Variants in GLG1 observed in about 807,000 individuals in gnomAD.
GLG1 encodes golgi glycoprotein 1.
Under a neutral mutation model 160.5 loss-of-function variants are expected in GLG1, and 38 were observed. The ratio of observed to expected loss-of-function variants is 0.24; its 90% CI spans 0.18 to 0.31. The LOEUF (loss-of-function observed/expected upper bound fraction) is 0.31, where lower values mean the gene tolerates loss of function less well. Among genes scored for constraint, GLG1 ranks in the 10% least tolerant of loss-of-function variants. The probability of loss-of-function intolerance (pLI) is 1.00; values close to 1 mark genes in which losing one functional copy is unlikely to be tolerated. For synonymous variants in GLG1, 644 were observed against 543.4 expected, an observed-to-expected ratio of 1.19 and a Z score of -2.57; for missense variants, 1,373 against 1,505.2, an observed-to-expected ratio of 0.91 and a Z score of 1.45.
At chr16:74,559,508 C>A (rs1251955250) in intron 1 of GLG1, among the ~76,000 whole-genome samples, 1 of 151,992 alleles carries the variant, frequency 6.6e-6, no homozygotes, top group Non-Finnish European at 1.5e-5. Context: ...AACACAAATA[C>A]AGTCAAATAA....
intron 1 of GLG1, among the ~76,000 whole-genome samples, chr16:74,580,321 CA>C (rs998978911): frequency 6.6e-6 from 1 of 150,670 alleles, no homozygotes; most frequent in African/African-American, 2.4e-5. Context: ...CCCATCTCTA[CA>C]AAAAAAACTA....
intron 2 of GLG1, among the ~76,000 whole-genome samples, chr16:74,528,567 T>G (rs2017416500): frequency 6.6e-6 from 1 of 151,878 alleles, no homozygotes; most frequent in Non-Finnish European, 1.5e-5. Flanking sequence ...ATCCCAGTAC[T>G]TTGGCAAGTC....
intron 1 of GLG1, among the ~76,000 whole-genome samples, chr16:74,592,322 T>C (rs1297606925): frequency 6.6e-6 from 1 of 152,146 alleles, no homozygotes; most frequent in East Asian, 1.9e-4. Flanking sequence ...TTTGTATTTT[T>C]AGTAGAGACA....
At chr16:74,516,438 C>T (rs1381013146) in intron 2 of GLG1, among the ~76,000 whole-genome samples, 1 of 152,004 alleles carries the variant, frequency 6.6e-6, no homozygotes, top group Non-Finnish European at 1.5e-5. Context: ...AACTGAACAA[C>T]CTGCTCCTGA....
chr16:74,606,439 C>T (rs1357239572), intron 1 of GLG1, among the ~76,000 whole-genome samples: 4 of 152,102 alleles, frequency 2.6e-5, no homozygotes, highest in Non-Finnish European at 5.9e-5. Context: ...TCCCAGACCC[C>T]GGCAACAGGG....
At chr16:74,604,921 C>T (rs1958530187) in intron 1 of GLG1, among the ~76,000 whole-genome samples, 1 of 152,068 alleles carries the variant, frequency 6.6e-6, no homozygotes, top group Non-Finnish European at 1.5e-5. Context: ...TGGTGGCGCT[C>T]GCCTGTAGTC....
chr16:74,472,777 C>T (rs748134828), intron 13 of GLG1: 8 of 378,294 alleles, frequency 2.1e-5, no homozygotes, highest in Non-Finnish European at 3.6e-5. Flanking sequence ...TATCCATCTT[C>T]AGTTTATAAG....
chr16:74,512,332 C>T (rs1369287237), intron 2 of GLG1, among the ~76,000 whole-genome samples: 10 of 148,028 alleles, frequency 6.8e-5, no homozygotes, highest in Admixed American at 3.4e-4. Flanking sequence ...AGTGTGATCT[C>T]GGCTCACTGC....
intron 1 of GLG1, among the ~76,000 whole-genome samples, chr16:74,543,776 T>C (rs1300465270): frequency 6.6e-6 from 1 of 152,020 alleles, no homozygotes. Flanking sequence ...TGAAATTAAC[T>C]GATTTTGAAA....
rs369047663 is a variant in GLG1 at position 74,468,974 on chromosome 16, C to A, written c.2408G>T (p.Arg803Met). 159 of 1,611,242 alleles carry A rather than the reference C, an allele frequency of 9.9e-5. No individual in the cohort carries two copies. Among genetic ancestry groups the A allele is most frequent in the Non-Finnish European group, 1.3e-4 (151 of 1,177,430 alleles). ...CTCCAGCTCCTCCACACGGAGCTGCCTGCGGCACTTCAGGGACACCCTGTG... is the reference window on the plus strand; with the variant it reads ...CTCCAGCTCCTCCACACGGAGCTGCATGCGGCACTTCAGGGACACCCTGTG... ...KEHRVSLKCRRQLRVEELEMT... is the reference protein window; with the variant it reads ...KEHRVSLKCRMQLRVEELEMT... Residue 803 changes from arginine to methionine, a missense_variant, in exon 17 of 26, where the codon AGG becomes ATG. By Grantham distance (91) the Arg-to-Met change is moderately conservative. Coordinates refer to ENST00000422840, the MANE Select transcript of GLG1 (RefSeq NM_001145667.2).
intron 1 of GLG1, among the ~76,000 whole-genome samples, chr16:74,533,259 T>C (rs1401542078): frequency 1.3e-5 from 2 of 152,054 alleles, no homozygotes; most frequent in African/African-American, 4.8e-5. Context: ...AGGCGGAGCT[T>C]GCAGTGAACC....
At chr16:74,546,493 T>C (rs998628315) in intron 1 of GLG1, among the ~76,000 whole-genome samples, 17 of 152,092 alleles carry the variant, frequency 1.1e-4, no homozygotes, top group Admixed American at 3.9e-4. Flanking sequence ...TTAAGACTTC[T>C]GAAACTTTAG....
In GLG1 at chr16:74,606,964, G is replaced by A. The variant is rs745729985; in HGVS notation, c.131C>T (p.Ala44Val). 2 of 1,608,554 alleles carry A rather than the reference G, an allele frequency of 1.2e-6. No individual in the cohort carries two copies. Among genetic ancestry groups the A allele is most frequent in the South Asian group, 1.1e-5 (1 of 90,712 alleles). The change falls in exon 1 of 26, where the codon GCC (alanine) becomes GTC (valine). Residue 44 changes from alanine to valine, a missense_variant. Ala to Val is a moderately conservative substitution (Grantham distance 64). Transcript: ENST00000422840. ...CTGCCCTACGAAGGACACAAAGTTG[G>A]CCCCGGGACCCTGGCCCTGGCTGTG... is the stretch of plus-strand genomic sequence containing the variant. ...GVHSQGQGPG[A>V]NFVSFVGQAG...
intron 7 of GLG1, among the ~76,000 whole-genome samples, chr16:74,492,282 G>C (rs976906706): frequency 4.0e-5 from 6 of 151,522 alleles, no homozygotes; most frequent in Non-Finnish European, 7.4e-5. Context: ...CTATTCCAGA[G>C]GCTGAACTAG....
chr16:74,471,341 T>G (rs940903424), intron 14 of GLG1, 55 bp from the exon 15 acceptor site: 1 of 995,986 alleles, frequency 1.0e-6, no homozygotes, highest in Non-Finnish European at 1.6e-6. Context: ...TGAACAAAAC[T>G]TGTAGCCCAG....
intron 1 of GLG1, among the ~76,000 whole-genome samples, chr16:74,571,263 T>A (rs545904387): frequency 6.6e-6 from 1 of 152,266 alleles, no homozygotes; most frequent in African/African-American, 2.4e-5. Flanking sequence ...TGACTACAGA[T>A]ACATGAATGA....
At chr16:74,524,952 A>C (rs1443245713) in intron 2 of GLG1, among the ~76,000 whole-genome samples, 1 of 152,138 alleles carries the variant, frequency 6.6e-6, no homozygotes, top group Non-Finnish European at 1.5e-5. Flanking sequence ...CCAGTTATTG[A>C]GGTTCATCCA....
chr16:74,531,830 T>G (rs2017543546), intron 2 of GLG1, among the ~76,000 whole-genome samples: 1 of 152,184 alleles, frequency 6.6e-6, no homozygotes, highest in Admixed American at 6.5e-5. Context: ...TGAGAAAACT[T>G]TAAAACAGGA....
At chr16:74,528,827 A>AAAAAAAAG (rs2017431242) in intron 2 of GLG1, among the ~76,000 whole-genome samples, 1 of 151,364 alleles carries the variant, frequency 6.6e-6, no homozygotes, top group Non-Finnish European at 1.5e-5. Context: ...AAAAAAAAAA[A>AAAAAAAAG]AAAAAAAAAT....
Sources: allele counts gnomAD v4.1 joint callset (sites outside exome capture counted in the v4.1 genomes callset), GRCh38; gene constraint gnomAD v4.1.1; transcripts MANE v1.5; gene names NCBI Gene and HGNC (gene_info 2026-07-23, HGNC 2026-07-21).